Variants in PSD3 observed in about 807,000 individuals in gnomAD.
PSD3 encodes PH and SEC7 domain-containing protein 3.
PSD3 carries 49 observed loss-of-function variants against 105.5 expected under a neutral mutation model. The observed-to-expected ratio is 0.46, with a 90% CI of 0.37 to 0.59. The LOEUF (loss-of-function observed/expected upper bound fraction) is 0.59. PSD3 is among the 20% of genes least tolerant of loss of function. The pLI is 0.00. For missense variants in PSD3, 1,561 were observed against 1,263.8 expected (o/e 1.24, Z -3.57); for synonymous variants, 557 against 457.8 (o/e 1.22, Z -2.77).
rs540456590 is a variant in PSD3 at position 18,710,433 on chromosome 8, C to G, written c.2173-54748G>C. Among the ~76,000 whole-genome samples, 3 of 152,230 alleles carry G rather than the reference C, an allele frequency of 2.0e-5. No homozygotes were observed. In the East Asian group the frequency reaches 5.8e-4, roughly 29 times the overall value. ...TGGAAAACATACTCCAAGATGTCAT[C>G]CAGGAGAACTTCCCCAACCTAGCAA... On this transcript the variant is annotated intron_variant, in intron 9 of 15. Transcript: ENST00000327040.
At chr8:19,024,995 G>C (rs1827493310) in intron 1 of PSD3, among the ~76,000 whole-genome samples, 1 of 152,134 alleles carries the variant, frequency 6.6e-6, no homozygotes, top group Non-Finnish European at 1.5e-5. Context: ...CAGTGAGACA[G>C]GATAGTCATA....
chr8:18,710,398 A>G (rs1802179428), intron 9 of PSD3, among the ~76,000 whole-genome samples: 1 of 152,204 alleles, frequency 6.6e-6, no homozygotes, highest in South Asian at 2.1e-4. Context: ...CAGGGGGAAC[A>G]GAACCAGGTT....
At chr8:19,043,236 T>C (rs980258076) in intron 1 of PSD3, among the ~76,000 whole-genome samples, 2 of 152,162 alleles carry the variant, frequency 1.3e-5, no homozygotes, top group Non-Finnish European at 2.9e-5. Flanking sequence ...TGGTAAAAAT[T>C]TGTACATGCA....
intron 1 of PSD3, among the ~76,000 whole-genome samples, chr8:19,056,273 C>G (rs1424458564): frequency 6.6e-6 from 1 of 152,224 alleles, no homozygotes. Context: ...ATGGTTGCAG[C>G]TTTGCAAATA....
At chr8:18,864,106 A>G (rs905569613) in intron 4 of PSD3, among the ~76,000 whole-genome samples, 1 of 152,248 alleles carries the variant, frequency 6.6e-6, no homozygotes, top group Non-Finnish European at 1.5e-5. Flanking sequence ...AAGTAAATCT[A>G]GGCAATAGCA....
intron 4 of PSD3, among the ~76,000 whole-genome samples, chr8:18,838,396 T>A (rs1213704246): frequency 6.6e-6 from 1 of 152,228 alleles, no homozygotes; most frequent in Non-Finnish European, 1.5e-5. Context: ...CAAAAGCATT[T>A]CTGCGCTTCA....
chr8:19,013,461 G>A (rs1217866714), intron 1 of PSD3, 102 bp downstream of exon 1: 3 of 1,512,706 alleles, frequency 2.0e-6, no homozygotes, highest in East Asian at 2.5e-5. Flanking sequence ...AGGTGGCCCC[G>A]GGATCCTGGG....
At chr8:18,592,121 C>A (rs1254350646) in intron 12 of PSD3, among the ~76,000 whole-genome samples, 1 of 151,976 alleles carries the variant, frequency 6.6e-6, no homozygotes, top group African/African-American at 2.4e-5. Flanking sequence ...TGCATAAACA[C>A]TGTAAAGATG....
chr8:18,590,444 T>C (rs1465766992), intron 12 of PSD3, among the ~76,000 whole-genome samples: 1 of 152,160 alleles, frequency 6.6e-6, no homozygotes. Flanking sequence ...AAGTTCAAAA[T>C]GAATCCTTTC....
At position 18,572,467 on chromosome 8, in the gene PSD3, T is replaced by C. The variant is rs893961562; in HGVS notation, c.2784+61A>G. The C allele has an allele frequency of 1.9e-6, 3 of 1,566,758 alleles. No homozygotes were observed. In the African/African-American group the frequency reaches 4.1e-5, roughly 21 times the overall value. Reference sequence around the variant, plus strand: ...ATGGACTACTATCCAAAGACAAATATTTATCACATTATTTTACAAAGTACT... The same window carrying C: ...ATGGACTACTATCCAAAGACAAATACTTATCACATTATTTTACAAAGTACT... On this transcript the variant is annotated intron_variant, in intron 14 of 15. Transcript: ENST00000327040.
At chr8:18,835,974 G>A (rs1480455233) in intron 4 of PSD3, among the ~76,000 whole-genome samples, 1 of 152,192 alleles carries the variant, frequency 6.6e-6, no homozygotes, top group Non-Finnish European at 1.5e-5. Flanking sequence ...GACTAAAGCA[G>A]GGTGTTAGTT....
intron 1 of PSD3, among the ~76,000 whole-genome samples, chr8:19,040,131 T>A (rs1358166045): frequency 6.6e-6 from 1 of 152,208 alleles, no homozygotes; most frequent in Non-Finnish European, 1.5e-5. Flanking sequence ...AGGAACGATC[T>A]CAAGATTCCT....
chr8:18,641,109 C>A (rs924352762), intron 10 of PSD3, among the ~76,000 whole-genome samples: 1 of 152,218 alleles, frequency 6.6e-6, no homozygotes, highest in Non-Finnish European at 1.5e-5. Flanking sequence ...TCTGTGTATA[C>A]ACTCCTCTAG....
At chr8:18,930,532 A>G (rs1373479506) in intron 2 of PSD3, among the ~76,000 whole-genome samples, 1 of 152,010 alleles carries the variant, frequency 6.6e-6, no homozygotes, top group African/African-American at 2.4e-5. Context: ...CTAGTGGTAC[A>G]GAACGTATAT....
chr8:18,975,563 AAG>A (rs1161182157), intron 1 of PSD3, among the ~76,000 whole-genome samples: 1 of 152,182 alleles, frequency 6.6e-6, no homozygotes, highest in Non-Finnish European at 1.5e-5. Context: ...GAAAGAGTAA[AAG>A]AGATAACAAG....
chr8:19,021,468 G>A (rs1274710924), intron 1 of PSD3, among the ~76,000 whole-genome samples: 7 of 150,440 alleles, frequency 4.7e-5, no homozygotes, highest in Middle Eastern at 3.4e-3. Context: ...AAATAATGAC[G>A]TCTGGAATTA....
At chr8:19,041,279 C>A (rs2063076) in intron 1 of PSD3, among the ~76,000 whole-genome samples, 107,725 of 152,058 alleles carry the variant, frequency 0.71, 38,846 homozygotes, top group African/African-American at 0.86. Flanking sequence ...CTGCGAAATG[C>A]ATTAACTCAG....
rs1466819906 is a variant in PSD3, at chr8:18,785,729, G to A, written c.2082+13566C>T. Among the ~76,000 whole-genome samples the A allele has an allele frequency of 5.9e-5, 9 of 152,122 alleles. No homozygotes were observed. The South Asian group carries it at 1.0e-3, about 18-fold the overall frequency. The stretch of plus-strand genomic sequence containing the variant: ...TCATTTCTAGGTTTTGATTCAAAGC[G>A]AGACGTATGAAACTCTTCCTTTCAC... On this transcript the variant is annotated intron_variant, in intron 8 of 15. Transcript: ENST00000327040.
chr8:18,601,949 A>G (rs985926276), intron 11 of PSD3, among the ~76,000 whole-genome samples: 1 of 152,064 alleles, frequency 6.6e-6, no homozygotes, highest in Non-Finnish European at 1.5e-5. Flanking sequence ...CCCCTTCACA[A>G]TCTCACCTGG....
Sources: gnomAD v4.1 joint callset for allele counts (sites outside exome capture counted in the v4.1 genomes callset) on GRCh38, gnomAD v4.1.1 for gene constraint, MANE v1.5 for transcripts, NCBI Gene and HGNC (gene_info 2026-07-23, HGNC 2026-07-21) for gene names.